Variants in SPAG16 observed in about 807,000 individuals in gnomAD.
The protein encoded by SPAG16 is sperm-associated antigen 16 protein.
SPAG16 carries 86 observed loss-of-function variants against 80.4 expected under a neutral mutation model. The observed-to-expected ratio is 1.07, with a 90% CI of 0.90 to 1.28. SPAG16 has a LOEUF of 1.28. Ranked by LOEUF, SPAG16 falls within the 50% of genes most tolerant of loss-of-function variation. The pLI is 0.00. For missense variants in SPAG16, 870 were observed against 765.3 expected, an observed-to-expected ratio of 1.14 and a Z score of -1.61; for synonymous variants, 294 against 265.9, an observed-to-expected ratio of 1.11 and a Z score of -1.03.
chr2:213,541,357 A>C (rs1221949479), intron 10 of SPAG16, among the ~76,000 whole-genome samples: 1 of 152,132 alleles, frequency 6.6e-6, no homozygotes, highest in Non-Finnish European at 1.5e-5. Context: ...GGTGGCTCAC[A>C]CCTGTAATCC....
Position 213,309,371 on chromosome 2 carries a change from T to C in SPAG16, c.280-688T>C, listed in dbSNP as rs371986394. Among the ~76,000 whole-genome samples, 362 of 152,254 alleles carry C rather than the reference T, an allele frequency of 2.4e-3. 7 individuals carry two copies. Among genetic ancestry groups the C allele is most frequent in the South Asian group, 0.015 (72 of 4,826 alleles). Reference sequence around the variant, plus strand: ...TAGACTGACTGACTTCCATGTGGAATACTAGTGTAAGCTCCTGTTGTCACT... The same window carrying C: ...TAGACTGACTGACTTCCATGTGGAACACTAGTGTAAGCTCCTGTTGTCACT... On this transcript the variant is annotated intron_variant, in intron 3 of 15. Coordinates refer to ENST00000331683, the MANE Select transcript of SPAG16 (RefSeq NM_024532.5).
chr2:213,793,558 C>T (rs1227040503), intron 10 of SPAG16, among the ~76,000 whole-genome samples: 1 of 152,148 alleles, frequency 6.6e-6, no homozygotes, highest in African/African-American at 2.4e-5. Flanking sequence ...ACTTTAATAT[C>T]CTTTGAAAAA....
intron 12 of SPAG16, among the ~76,000 whole-genome samples, chr2:213,978,801 G>C (rs548648965): frequency 6.6e-6 from 1 of 152,180 alleles, no homozygotes; most frequent in African/African-American, 2.4e-5. Flanking sequence ...TCCTGTGACT[G>C]TTGGCATTAG....
intron 11 of SPAG16, among the ~76,000 whole-genome samples, chr2:213,889,510 A>G (rs1028258014): frequency 4.6e-5 from 7 of 151,416 alleles, no homozygotes; most frequent in South Asian, 2.1e-4. Context: ...CTCACTAAAT[A>G]TATCTGTTCT....
At chr2:213,844,502 AT>A (rs1237494129) in intron 10 of SPAG16, among the ~76,000 whole-genome samples, 5 of 152,246 alleles carry the variant, frequency 3.3e-5, no homozygotes, top group African/African-American at 1.2e-4. Flanking sequence ...AATTTGAAAA[AT>A]ATAACATTTC....
rs1255519264 is a variant in SPAG16 at position 213,938,026 on chromosome 2, C to T, written c.1400+7881C>T. Among the ~76,000 whole-genome samples, 3 of 151,776 alleles carry T rather than the reference C, an allele frequency of 2.0e-5. No individual in the cohort carries two copies. In the East Asian group the frequency reaches 5.8e-4, roughly 29 times the overall value. On this transcript the variant is annotated intron_variant, in intron 12 of 15. Coordinates refer to ENST00000331683, the MANE Select transcript of SPAG16 (RefSeq NM_024532.5). Reference sequence around the variant, plus strand: ...ATAATGTACACTTTCTGTTTGTTATCTCATACACCAAAAAAGCTATTTATT... The same window carrying T: ...ATAATGTACACTTTCTGTTTGTTATTTCATACACCAAAAAAGCTATTTATT...
intron 12 of SPAG16, among the ~76,000 whole-genome samples, chr2:213,931,043 C>T (rs2078724922): frequency 2.0e-5 from 3 of 152,032 alleles, no homozygotes; most frequent in Admixed American, 2.0e-4. Flanking sequence ...TCGCTCAGTC[C>T]TAGGGGTGGT....
chr2:213,523,603 T>C (rs982693769), intron 10 of SPAG16, among the ~76,000 whole-genome samples: 8 of 152,272 alleles, frequency 5.3e-5, no homozygotes, highest in African/African-American at 1.9e-4. Context: ...AACTGGAAGA[T>C]GTGGGAAAGT....
At chr2:214,241,535 T>C (rs1319557321) in intron 15 of SPAG16, among the ~76,000 whole-genome samples, 4 of 152,188 alleles carry the variant, frequency 2.6e-5, no homozygotes, top group African/African-American at 7.2e-5. Context: ...TCAGTAAATA[T>C]GGCTTTATTG....
At chr2:214,077,768 G>T (rs558880273) in intron 13 of SPAG16, among the ~76,000 whole-genome samples, 1 of 152,334 alleles carries the variant, frequency 6.6e-6, no homozygotes, top group East Asian at 1.9e-4. Context: ...AAGCAAACTT[G>T]AACTGAATCC....
chr2:213,418,754 G>T (rs542799729), intron 9 of SPAG16, among the ~76,000 whole-genome samples: 9 of 152,054 alleles, frequency 5.9e-5, no homozygotes, highest in Non-Finnish European at 1.2e-4. Context: ...TTTATGAATG[G>T]CTCAATGTAA....
intron 11 of SPAG16, among the ~76,000 whole-genome samples, chr2:213,882,037 T>C (rs1559549459): frequency 6.6e-6 from 1 of 152,214 alleles, no homozygotes; most frequent in South Asian, 2.1e-4. Flanking sequence ...GTTTTTATTA[T>C]AAAGGGATGT....
At position 213,398,617 on chromosome 2, in the gene SPAG16, A is replaced by G. The variant is rs376466875; in HGVS notation, c.942+23498A>G. ...CTCACTTTATTTAAAGCTTTACTCA[A>G]ATGTTCCCTTTTCAGAGAGACTTTT... On this transcript the variant is annotated intron_variant, in intron 9 of 15. Coordinates refer to ENST00000331683, the MANE Select transcript of SPAG16 (RefSeq NM_024532.5). 3.9e-5 allele frequency among the ~76,000 whole-genome samples: 6 copies of G among 152,106 alleles called. No individual in the cohort carries two copies. The East Asian group carries it at 9.6e-4, about 24-fold the overall frequency.
intron 15 of SPAG16, among the ~76,000 whole-genome samples, chr2:214,267,234 G>C (rs1397373494): frequency 6.6e-6 from 1 of 151,722 alleles, no homozygotes; most frequent in Non-Finnish European, 1.5e-5. Flanking sequence ...TATACTACTG[G>C]ATTTCAAAAT....
intron 10 of SPAG16, among the ~76,000 whole-genome samples, chr2:213,844,944 A>G (rs1347841867): frequency 1.3e-5 from 2 of 152,212 alleles, no homozygotes; most frequent in Non-Finnish European, 2.9e-5. Flanking sequence ...AAATACACTA[A>G]GTGGCAGTGA....
intron 9 of SPAG16, among the ~76,000 whole-genome samples, chr2:213,487,691 C>T (rs1402825123): frequency 1.3e-5 from 2 of 151,964 alleles, no homozygotes; most frequent in Non-Finnish European, 2.9e-5. Flanking sequence ...TTGATTAGGT[C>T]GTATTAAATA....
chr2:213,552,874 G>A (rs1293406689), intron 10 of SPAG16, among the ~76,000 whole-genome samples: 1 of 152,164 alleles, frequency 6.6e-6, no homozygotes, highest in Non-Finnish European at 1.5e-5. Flanking sequence ...CTCCCATGCT[G>A]GATGCTTCTT....
intron 11 of SPAG16, among the ~76,000 whole-genome samples, chr2:213,898,476 G>A (rs896379902): frequency 1.3e-5 from 2 of 152,070 alleles, no homozygotes; most frequent in African/African-American, 4.8e-5. Context: ...GATCTTTTCT[G>A]GAGTTTATTA....
At chr2:213,967,817 C>T (rs1371248507) in intron 12 of SPAG16, among the ~76,000 whole-genome samples, 1 of 152,100 alleles carries the variant, frequency 6.6e-6, no homozygotes, top group Non-Finnish European at 1.5e-5. Context: ...AGTCTGTTTG[C>T]ATAGTCACTG....
Sources: gnomAD v4.1 joint callset for allele counts (sites outside exome capture counted in the v4.1 genomes callset) on GRCh38, gnomAD v4.1.1 for gene constraint, MANE v1.5 for transcripts, NCBI Gene and HGNC (gene_info 2026-07-23, HGNC 2026-07-21) for gene names.